Variants in GPR141 observed in about 807,000 individuals in gnomAD.
The protein encoded by GPR141 is G protein-coupled receptor 141.
Under a neutral mutation model 6.8 loss-of-function variants are expected in GPR141, and 6 were observed. The observed-to-expected ratio is 0.88, with a 90% CI of 0.48 to 1.74. The LOEUF (loss-of-function observed/expected upper bound fraction) is 1.74. Ranked by LOEUF, GPR141 falls within the 40% of genes most tolerant of loss-of-function variation. The pLI is 0.01. For synonymous variants in GPR141, 140 were observed against 142.3 expected, an observed-to-expected ratio of 0.98 and a Z score of 0.11; for missense variants, 372 against 372.9, an observed-to-expected ratio of 1.00 and a Z score of 0.02.
chr7:37,703,941 T>A (rs922484740), intron 2 of GPR141, among the ~76,000 whole-genome samples: 11 of 152,028 alleles, frequency 7.2e-5, no homozygotes, highest in African/African-American at 1.5e-4. Context: ...CTATACATTT[T>A]AAAAAATCAC....
intron 2 of GPR141, among the ~76,000 whole-genome samples, chr7:37,710,542 T>C (rs1434884527): frequency 1.3e-5 from 2 of 152,240 alleles, no homozygotes; most frequent in Non-Finnish European, 2.9e-5. Context: ...CAACTACTGT[T>C]CAGATTTTCC....
chr7:37,686,806 A>C (rs968761187), intron 2 of GPR141, among the ~76,000 whole-genome samples: 5 of 152,160 alleles, frequency 3.3e-5, no homozygotes, highest in African/African-American at 1.2e-4. Context: ...GTTCCTGATG[A>C]TTAAGTCACT....
rs1811410475 is a variant in GPR141, at chr7:37,722,923, T to TTCC, written c.-14-17456_-14-17455insCCT. On this transcript the variant is annotated intron_variant, in intron 2 of 2. Transcript: ENST00000334425. ...ATTCTGTTCTAATTTTTCTTTTTCC[T>TTCC]TTCCTTCCTTCCTTCCTTCCTTCCT... Among the ~76,000 whole-genome samples, 19 of 112,238 alleles carry TTCC rather than the reference T, an allele frequency of 1.7e-4. No homozygotes were observed. The South Asian group carries it at 2.6e-3, about 15-fold the overall frequency. 73.6% of individuals were successfully genotyped at this position (112,238 alleles called of 152,430 possible).
Position 37,742,651 on chromosome 7 carries a change from TGAA to T in GPR141, c.*1345_*1347del, listed in dbSNP as rs766004967. 2.3e-3 allele frequency among the ~76,000 whole-genome samples: 349 copies of T among 152,288 alleles called. 3 individuals carry two copies. The highest frequency in any genetic ancestry group is 7.5e-3 in the East Asian group (39 of 5,194). ...TTAGACTCTGTGAGATTAGGTTGCA[TGAA>T]GAAGGTTTTCTGAATATTTGAAGAG... On this transcript the variant is annotated 3_prime_UTR_variant, in exon 3 of 3. Transcript: ENST00000334425.
rs552316157 is a variant in GPR141 at position 37,721,233 on chromosome 7, C to T, written c.-14-19147C>T. The stretch of plus-strand genomic sequence containing the variant: ...AACCCAGAAAGTTGCTTAACTTTTC[C>T]GAGCTTCATTTCTTCAACTAATATT... On this transcript the variant is annotated intron_variant, in intron 2 of 2. Transcript: ENST00000334425. 5.3e-5 allele frequency among the ~76,000 whole-genome samples: 8 copies of T among 151,988 alleles called. No homozygotes were observed. The South Asian group carries it at 6.2e-4, about 12-fold the overall frequency.
intron 2 of GPR141, among the ~76,000 whole-genome samples, chr7:37,728,561 A>G (rs1237479098): frequency 6.6e-6 from 1 of 152,112 alleles, no homozygotes. Context: ...TAGGTTTCTT[A>G]TAAAACAGCC....
At chr7:37,694,626 C>T (rs182698316) in intron 2 of GPR141, among the ~76,000 whole-genome samples, 10 of 152,312 alleles carry the variant, frequency 6.6e-5, no homozygotes, top group Admixed American at 6.5e-4. Flanking sequence ...GTTCTGCAGC[C>T]TGTACAAGAA....
chr7:37,732,835 G>A (rs777378643), intron 2 of GPR141, among the ~76,000 whole-genome samples: 51 of 152,224 alleles, frequency 3.4e-4, no homozygotes, highest in African/African-American at 1.0e-3. Flanking sequence ...CTCCTGAGAC[G>A]CAGATAAAAC....
intron 1 of GPR141, among the ~76,000 whole-genome samples, chr7:37,684,502 GATAA>G (rs1396570612): frequency 6.6e-6 from 1 of 151,980 alleles, no homozygotes; most frequent in Non-Finnish European, 1.5e-5. Flanking sequence ...TCTTAAATAA[GATAA>G]ATAAAAAGAA....
At chr7:37,719,472 A>G (rs150798849) in intron 2 of GPR141, among the ~76,000 whole-genome samples, 2,634 of 152,304 alleles carry the variant, frequency 0.017, 34 homozygotes, top group Admixed American at 0.019. Flanking sequence ...TAACCATTCT[A>G]ACATGGATCT....
intron 2 of GPR141, among the ~76,000 whole-genome samples, chr7:37,702,147 C>T (rs1409778951): frequency 1.3e-5 from 2 of 151,992 alleles, no homozygotes; most frequent in African/African-American, 2.4e-5. Flanking sequence ...TAAATAATGG[C>T]CTTCTAAGTA....
At chr7:37,695,203 A>G (rs1256224315) in intron 2 of GPR141, among the ~76,000 whole-genome samples, 2 of 152,174 alleles carry the variant, frequency 1.3e-5, no homozygotes, top group African/African-American at 4.8e-5. Context: ...TGGGGATTTC[A>G]GGCCACAGAA....
At chr7:37,729,362 C>T (rs1583569457) in intron 2 of GPR141, among the ~76,000 whole-genome samples, 1 of 152,240 alleles carries the variant, frequency 6.6e-6, no homozygotes, top group East Asian at 1.9e-4. Flanking sequence ...AGCCCTGTCC[C>T]CTGAGAGAGC....
rs80216890 is a variant in GPR141 at position 37,711,482 on chromosome 7, T to C, written c.-15+25899T>C. 8.7e-3 allele frequency among the ~76,000 whole-genome samples: 1,323 copies of C among 152,330 alleles called. 22 individuals carry two copies. The highest frequency in any genetic ancestry group is 0.03 in the African/African-American group (1,242 of 41,556). ...GAATTGTGGGTTGACCAGGCTGTTT[T>C]CTACCTGATGTGACAGATAGAGAAG... On this transcript the variant is annotated intron_variant, in intron 2 of 2. Coordinates refer to ENST00000334425, the MANE Select transcript of GPR141 (RefSeq NM_001381946.1).
At chr7:37,690,297 T>C (rs1809697994) in intron 2 of GPR141, among the ~76,000 whole-genome samples, 3 of 152,294 alleles carry the variant, frequency 2.0e-5, no homozygotes, top group South Asian at 4.1e-4. Flanking sequence ...TTCCCGGCGT[T>C]AGAGGTGAGA....
At chr7:37,711,657 T>G (rs1338635797) in intron 2 of GPR141, among the ~76,000 whole-genome samples, 1 of 152,232 alleles carries the variant, frequency 6.6e-6, no homozygotes, top group African/African-American at 2.4e-5. Context: ...GTAAGCCTGT[T>G]GCAAACACTG....
chr7:37,723,207 C>T (rs769609218), intron 2 of GPR141, among the ~76,000 whole-genome samples: 7 of 151,814 alleles, frequency 4.6e-5, no homozygotes, highest in South Asian at 2.1e-4. Flanking sequence ...TGGCCATGCT[C>T]ATCTTGAGCT....
intron 2 of GPR141, among the ~76,000 whole-genome samples, chr7:37,696,644 C>T (rs1284493768): frequency 6.6e-6 from 1 of 151,788 alleles, no homozygotes; most frequent in Non-Finnish European, 1.5e-5. Context: ...ACTCATATAG[C>T]ACATCTATGC....
Position 37,706,167 on chromosome 7 carries a change from G to C in GPR141, c.-15+20584G>C, listed in dbSNP as rs544317691. On this transcript the variant is annotated intron_variant, in intron 2 of 2. Transcript: ENST00000334425. ...ACACAAAAATAATGGCTTCTCTTCAGTTCTACCTGCAGGTGTCACAGTAAC... is the reference window on the plus strand; with the variant it reads ...ACACAAAAATAATGGCTTCTCTTCACTTCTACCTGCAGGTGTCACAGTAAC... 2.6e-5 allele frequency among the ~76,000 whole-genome samples: 4 copies of C among 152,290 alleles called. No individual in the cohort carries two copies. The East Asian group carries it at 7.7e-4, about 29-fold the overall frequency.
Sources: allele counts gnomAD v4.1 joint callset (sites outside exome capture counted in the v4.1 genomes callset), GRCh38; gene constraint gnomAD v4.1.1; transcripts MANE v1.5; gene names NCBI Gene and HGNC (gene_info 2026-07-23, HGNC 2026-07-21).